SLC17A3: variants seen among roughly 807,000 people sequenced by gnomAD.
The protein encoded by SLC17A3 is sodium-dependent phosphate transport protein 4.
SLC17A3 carries 61 observed loss-of-function variants against 60.3 expected under a neutral mutation model. That is an observed-to-expected ratio of 1.01 (90% CI 0.82 to 1.25). The LOEUF is 1.25. Ranked by LOEUF, SLC17A3 falls within the 50% of genes most tolerant of loss-of-function variation. The pLI is 0.00. For synonymous variants in SLC17A3, 192 were observed against 208.9 expected, an observed-to-expected ratio of 0.92 and a Z score of 0.70; for missense variants, 624 against 594.9, an observed-to-expected ratio of 1.05 and a Z score of -0.51.
In SLC17A3 at chr6:25,868,321, C is replaced by T. The variant is rs780731936; in HGVS notation, c.67G>A (p.Asp23Asn). Residue 23 changes from aspartate to asparagine, a missense_variant, in exon 2 of 13, where the codon GAT (aspartate) becomes AAT (asparagine). Transcript: ENST00000397060. ...ESKNAQDMQV[D>N]ETLIPRKVPS... is the part of the protein sequence containing the mutation. ...CCTTTCCTGGGGATCAGTGTCTCAT[C>T]CACTTGCATATCTTGTGCGTTCTTG... 5 of 1,611,974 alleles carry T rather than the reference C, an allele frequency of 3.1e-6. No individual in the cohort carries two copies. The Admixed American group carries it at 6.7e-5, about 22-fold the overall frequency.
At chr6:25,867,059 T>G (rs965732912) in intron 2 of SLC17A3, among the ~76,000 whole-genome samples, 1 of 151,952 alleles carries the variant, frequency 6.6e-6, no homozygotes, top group Admixed American at 6.6e-5. Flanking sequence ...ACCTCAAAAC[T>G]TCTACCCAGA....
chr6:25,862,247 T>C lies in SLC17A3; in HGVS notation c.289A>G (p.Ser97Gly). 2 of 1,613,214 alleles carry C rather than the reference T, an allele frequency of 1.2e-6. No homozygotes were observed. The highest frequency in any genetic ancestry group is 1.7e-6 in the Non-Finnish European group (2 of 1,179,250). ...ATGTTGCTTACCTTTGCAGGAAGAC[T>C]CTTTGGGGCTTTACTTAGGCCACCA... ...SFGGLSKAPK[S>G]LPAKAPVYDW... The change falls in exon 3 of 13, where the codon AGT becomes GGT. Residue 97 changes from serine (S) to glycine (G), a missense_variant. Transcript: ENST00000397060.
chr6:25,863,025 G>A (rs1195339114), intron 2 of SLC17A3, among the ~76,000 whole-genome samples: 1 of 151,772 alleles, frequency 6.6e-6, no homozygotes, highest in African/African-American at 2.4e-5. Flanking sequence ...ATTGGTATAG[G>A]TCATTTATAT....
At chr6:25,866,191 G>A (rs1292885599) in intron 2 of SLC17A3, among the ~76,000 whole-genome samples, 3 of 151,916 alleles carry the variant, frequency 2.0e-5, no homozygotes, top group African/African-American at 4.8e-5. Context: ...CTCCATCTTA[G>A]CAGACTAAAG....
intron 1 of SLC17A3, among the ~76,000 whole-genome samples, chr6:25,872,487 C>T (rs1235063628): frequency 6.7e-6 from 1 of 150,232 alleles, no homozygotes; most frequent in African/African-American, 2.4e-5. Flanking sequence ...ATATCTATAT[C>T]CACAAAGACA....
Position 25,868,360 on chromosome 6 carries a change from T to C in SLC17A3, c.28A>G (p.Thr10Ala). MATKTELSP[T>A]ARESKNAQDM... ...TGTGCGTTCTTGCTCTCCCTTGCTG[T>C]GGGACTCAACTCTGTCTTGGTGGCC... is the stretch of plus-strand genomic sequence containing the variant. Residue 10 changes from threonine (T) to alanine (A), a missense_variant, in exon 2 of 13, where the codon ACA becomes GCA. Transcript: ENST00000397060. The C allele has an allele frequency of 6.2e-7, 1 of 1,612,196 alleles. No individual in the cohort carries two copies. The highest frequency in any genetic ancestry group is 8.5e-7 in the Non-Finnish European group (1 of 1,178,776).
chr6:25,856,487 T>C (rs922260644), intron 5 of SLC17A3, among the ~76,000 whole-genome samples: 3 of 152,156 alleles, frequency 2.0e-5, no homozygotes, highest in Non-Finnish European at 4.4e-5. Flanking sequence ...GATCCTTCCA[T>C]CTTGGCCTCC....
At position 25,871,922 on chromosome 6, in the gene SLC17A3, T is replaced by A. The variant is rs184818698; in HGVS notation, c.-34+2245A>T. On this transcript the variant is annotated intron_variant, in intron 1 of 12. Transcript: ENST00000397060. ...AAAATTATGTAAATAGATAAAGGCA[T>A]GGAAGAACCTGAATTAAGGCAGGGA... Among the ~76,000 whole-genome samples the A allele has an allele frequency of 3.0e-4, 45 of 152,022 alleles. 1 individual carries two copies. The South Asian group carries it at 4.1e-3, about 14-fold the overall frequency.
In SLC17A3 at chr6:25,844,999, A is replaced by T; in HGVS notation, c.*302T>A. 1 of 205,908 alleles carries T rather than the reference A, an allele frequency of 4.9e-6. No homozygotes were observed. The highest frequency in any genetic ancestry group is 1.0e-5 in the Non-Finnish European group (1 of 99,904). The allele number at this position is 205,908 out of a possible 1,614,324, so 12.8% of individuals were successfully genotyped here. ...TTTGTCACCCCGGATTAAAGGTTTT[A>T]AAACATTGTTTCTTGTATCCAGTAA... On this transcript the variant is annotated 3_prime_UTR_variant, in exon 13 of 13. Coordinates refer to ENST00000397060, the MANE Select transcript of SLC17A3 (RefSeq NM_001098486.2).
Position 25,847,737 on chromosome 6 carries a change from A to T in SLC17A3, c.1362+1637T>A, listed in dbSNP as rs192464532. On this transcript the variant is annotated intron_variant, in intron 11 of 12. Transcript: ENST00000397060. Reference sequence around the variant, plus strand: ...TAAAAATTTTTTATTTTATTTTATTATTATTTTTTAATTTTTTTATTTCCA... The same window carrying T: ...TAAAAATTTTTTATTTTATTTTATTTTTATTTTTTAATTTTTTTATTTCCA... Among the ~76,000 whole-genome samples the T allele has an allele frequency of 3.3e-5, 5 of 151,670 alleles. No individual in the cohort carries two copies. The East Asian group carries it at 9.7e-4, about 29-fold the overall frequency.
chr6:25,851,686 TCA>T (rs1302120854), intron 6 of SLC17A3, among the ~76,000 whole-genome samples: 1 of 152,178 alleles, frequency 6.6e-6, no homozygotes. Context: ...AAATATCAGT[TCA>T]GTTTACTTTA....
intron 11 of SLC17A3, among the ~76,000 whole-genome samples, chr6:25,846,473 T>C (rs542122704): frequency 6.6e-6 from 1 of 152,310 alleles, no homozygotes; most frequent in South Asian, 2.1e-4. Flanking sequence ...AGGTACTATA[T>C]GATTCCATTT....
At chr6:25,869,146 AC>A (rs1374700613) in intron 1 of SLC17A3, among the ~76,000 whole-genome samples, 1 of 151,968 alleles carries the variant, frequency 6.6e-6, no homozygotes, top group East Asian at 1.9e-4. Flanking sequence ...GGAGGTTGTG[AC>A]CTTTTTGCAT....
At chr6:25,849,173 A>G (rs1354314764) in intron 11 of SLC17A3, among the ~76,000 whole-genome samples, 1 of 152,210 alleles carries the variant, frequency 6.6e-6, no homozygotes, top group Non-Finnish European at 1.5e-5. Context: ...GACAGCAATC[A>G]CTATTTAGTT....
chr6:25,845,582 T>A, intron 11 of SLC17A3, 66 bp from the exon 12 acceptor site: 1 of 1,569,238 alleles, frequency 6.4e-7, no homozygotes, highest in Non-Finnish European at 8.8e-7. Flanking sequence ...ATTATATTAA[T>A]AGTTCAGATG....
At position 25,861,685 on chromosome 6, in the gene SLC17A3, TGC is replaced by T. The variant is rs1263896064; in HGVS notation, c.562_563del (p.Ala188AsnfsTer37). 1.9e-6 allele frequency: 3 copies of T among 1,614,024 alleles called. No homozygotes were observed. Among genetic ancestry groups the T allele is most frequent in the Non-Finnish European group, 2.5e-6 (3 of 1,179,890 alleles). ...GTGGAGGGCCCCACTTTTCCCAAAT[TGC>T]AAACTGACCCCCAAGTATTGAGGAC... ...SQSSILGGQF[A>X]IWEKWGPPQE... On this transcript the variant is annotated frameshift_variant, in exon 5 of 13. Transcript: ENST00000397060. LOFTEE classifies it high-confidence loss of function.
intron 1 of SLC17A3, among the ~76,000 whole-genome samples, chr6:25,872,329 C>CAA (rs35631811): frequency 5.2e-3 from 495 of 95,282 alleles, no homozygotes; most frequent in African/African-American, 8.5e-3. Context: ...GCTTTAACGC[C>CAA]AAAAAAAAAA....
At chr6:25,845,546 A>G (rs751522961) in intron 11 of SLC17A3, 30 bp from the exon 12 acceptor site, 2 of 1,612,314 alleles carry the variant, frequency 1.2e-6, no homozygotes, top group Non-Finnish European at 1.7e-6. Flanking sequence ...AGTATATATT[A>G]CCCCTTTCAT....
chr6:25,866,077 C>T (rs1398670169), intron 2 of SLC17A3, among the ~76,000 whole-genome samples: 2 of 151,970 alleles, frequency 1.3e-5, no homozygotes, highest in East Asian at 1.9e-4. Context: ...TTATCTAATT[C>T]CCTTCCCTTG....
Sources: gnomAD v4.1 joint callset for allele counts (sites outside exome capture counted in the v4.1 genomes callset) on GRCh38, gnomAD v4.1.1 for gene constraint, MANE v1.5 for transcripts, NCBI Gene and HGNC (gene_info 2026-07-23, HGNC 2026-07-21) for gene names.